Variants in SEMA3A observed in about 807,000 individuals in gnomAD.
SEMA3A encodes semaphorin 3A, also known as semaphorin-3A.
SEMA3A carries 29 observed loss-of-function variants against 97.9 expected under a neutral mutation model. The ratio of observed to expected loss-of-function variants is 0.30; its 90% confidence interval spans 0.22 to 0.40. The LOEUF is 0.40. Among genes scored for constraint, SEMA3A ranks in the 10% least tolerant of loss-of-function variants. The probability of loss-of-function intolerance (pLI) is 1.00; values close to 1 mark genes in which losing one functional copy is unlikely to be tolerated. For synonymous variants in SEMA3A, 321 were observed against 323.7 expected, an observed-to-expected ratio of 0.99 and a Z score of 0.09; for missense variants, 763 against 951.3, an observed-to-expected ratio of 0.80 and a Z score of 2.60.
chr7:84,290,960 G>C (rs1304956615), intron 3 of SEMA3A, among the ~76,000 whole-genome samples: 1 of 152,066 alleles, frequency 6.6e-6, no homozygotes, highest in African/African-American at 2.4e-5. Flanking sequence ...GTACCTAAAT[G>C]AGAGCTAACA....
At chr7:84,025,381 C>T (rs1791510432) in intron 6 of SEMA3A, among the ~76,000 whole-genome samples, 1 of 152,152 alleles carries the variant, frequency 6.6e-6, no homozygotes. Flanking sequence ...GGTTTCTTCC[C>T]TTTTCAGCTA....
At chr7:84,337,371 T>G (rs1802063165) in intron 2 of SEMA3A, among the ~76,000 whole-genome samples, 1 of 152,170 alleles carries the variant, frequency 6.6e-6, no homozygotes. Flanking sequence ...CATGTCTACA[T>G]ATACTTCTAT....
chr7:84,139,955 C>G (rs1368309209), intron 1 of SEMA3A, among the ~76,000 whole-genome samples: 1 of 151,610 alleles, frequency 6.6e-6, no homozygotes, highest in Non-Finnish European at 1.5e-5. Context: ...CTTTTCCCCC[C>G]AAGAGTAATC....
At chr7:84,380,334 A>G (rs1357848792) in intron 1 of SEMA3A, among the ~76,000 whole-genome samples, 1 of 152,190 alleles carries the variant, frequency 6.6e-6, no homozygotes. Flanking sequence ...AATTCCTATG[A>G]TATGTTCACA....
intron 2 of SEMA3A, among the ~76,000 whole-genome samples, chr7:84,318,737 T>C (rs1268346775): frequency 2.0e-5 from 3 of 152,210 alleles, no homozygotes; most frequent in African/African-American, 7.2e-5. Context: ...ACAGCCACTC[T>C]TATCTTGTGA....
intron 1 of SEMA3A, among the ~76,000 whole-genome samples, chr7:84,418,886 C>CAT (rs535185337): frequency 1.5e-4 from 22 of 151,652 alleles, no homozygotes; most frequent in East Asian, 9.7e-4. Context: ...AATAAAATCT[C>CAT]ATATATATAT....
intron 2 of SEMA3A, among the ~76,000 whole-genome samples, chr7:84,342,158 CCCGAGTAACTGGGATTA>C (rs1802187558): frequency 2.0e-5 from 3 of 152,106 alleles, no homozygotes; most frequent in Admixed American, 2.0e-4. Context: ...GCCTCAGCCT[CCCGAGTAACTGGGATTA>C]CAGTCATGCA....
intron 3 of SEMA3A, among the ~76,000 whole-genome samples, chr7:84,224,799 C>T (rs890503640): frequency 2.6e-5 from 4 of 151,994 alleles, no homozygotes; most frequent in African/African-American, 9.7e-5. Context: ...CTTTTATAGA[C>T]AGACCTTTTT....
At chr7:83,988,384 G>A (rs1418424129) in intron 12 of SEMA3A, among the ~76,000 whole-genome samples, 1 of 151,850 alleles carries the variant, frequency 6.6e-6, no homozygotes, top group Admixed American at 6.6e-5. Flanking sequence ...CCACCACCAC[G>A]ACTGGCTAAT....
intron 6 of SEMA3A, among the ~76,000 whole-genome samples, chr7:84,045,945 T>A (rs1792331604): frequency 6.8e-6 from 1 of 146,670 alleles, no homozygotes; most frequent in African/African-American, 2.5e-5. Context: ...GATGACGTTT[T>A]CAAGGAAACA....
In SEMA3A at chr7:84,385,726, T is replaced by C. The variant is rs572193137; in HGVS notation, c.-245-13826A>G. Among the ~76,000 whole-genome samples, 578 of 152,330 alleles carry C rather than the reference T, an allele frequency of 3.8e-3. 5 individuals are homozygous for C. Among genetic ancestry groups the C allele is most frequent in the African/African-American group, 0.013 (535 of 41,576 alleles). ...TATTGAGTACCATGTCCGTAACCTA[T>C]TTTTTGCTTTGATGCGGTTTAATCA... On this transcript the variant is annotated intron_variant, in intron 1 of 3. Coordinates refer to the SEMA3A transcript ENST00000424555.
At chr7:84,126,314 T>C (rs535841756) in intron 3 of SEMA3A, among the ~76,000 whole-genome samples, 24 of 152,218 alleles carry the variant, frequency 1.6e-4, no homozygotes, top group Middle Eastern at 6.8e-3. Flanking sequence ...CAAGCGATTC[T>C]CCTGCTTCAA....
chr7:84,465,335 T>C (rs572911578), intron 1 of SEMA3A, among the ~76,000 whole-genome samples: 2 of 152,302 alleles, frequency 1.3e-5, no homozygotes, highest in African/African-American at 2.4e-5. Flanking sequence ...TTTTCTCTTG[T>C]ATATGTTAGA....
chr7:84,102,313 C>T (rs1291321787), intron 4 of SEMA3A, among the ~76,000 whole-genome samples: 1 of 152,112 alleles, frequency 6.6e-6, no homozygotes, highest in African/African-American at 2.4e-5. Flanking sequence ...TTATTTTTTA[C>T]AAATCATGGT....
At chr7:84,447,284 T>C (rs1389660142) in intron 1 of SEMA3A, among the ~76,000 whole-genome samples, 2 of 152,144 alleles carry the variant, frequency 1.3e-5, no homozygotes, top group African/African-American at 4.8e-5. Flanking sequence ...CCAGGCTCTG[T>C]GGACAACATG....
chr7:84,457,159 T>C (rs947229917), intron 1 of SEMA3A, among the ~76,000 whole-genome samples: 1 of 151,784 alleles, frequency 6.6e-6, no homozygotes, highest in Non-Finnish European at 1.5e-5. Context: ...TAGTGTGGAA[T>C]GAAGTGTTAG....
At chr7:84,057,370 T>C (rs2527030) in intron 5 of SEMA3A, among the ~76,000 whole-genome samples, 59,659 of 152,078 alleles carry the variant, frequency 0.39, 14,153 homozygotes, top group African/African-American at 0.67. Context: ...TATGTTCACA[T>C]CTGGCATTTA....
chr7:84,033,294 G>C (rs1295263525), intron 6 of SEMA3A, among the ~76,000 whole-genome samples: 2 of 152,046 alleles, frequency 1.3e-5, no homozygotes, highest in Non-Finnish European at 2.9e-5. Context: ...CTGTCATAAA[G>C]AGCATTTTTT....
intron 1 of SEMA3A, among the ~76,000 whole-genome samples, chr7:84,442,513 CA>C (rs902723545): frequency 6.6e-6 from 1 of 151,316 alleles, no homozygotes; most frequent in Non-Finnish European, 1.5e-5. Context: ...ACTTCTACTA[CA>C]AAAAAAATCA....
Sources: allele counts gnomAD v4.1 joint callset (sites outside exome capture counted in the v4.1 genomes callset), GRCh38; gene constraint gnomAD v4.1.1; transcripts MANE v1.5; gene names NCBI Gene and HGNC (gene_info 2026-07-23, HGNC 2026-07-21).